DOCK11: variants seen among roughly 807,000 people sequenced by gnomAD.
DOCK11 encodes the protein dedicator of cytokinesis protein 11.
DOCK11 carries 70 observed loss-of-function variants against 169.1 expected under a neutral mutation model. The ratio of observed to expected loss-of-function variants is 0.41; its 90% CI spans 0.34 to 0.51. The LOEUF is 0.51. Among genes scored for constraint, DOCK11 ranks in the 20% least tolerant of loss-of-function variants. The probability of loss-of-function intolerance (pLI) is 0.10; values close to 1 mark genes in which losing one functional copy is unlikely to be tolerated. For synonymous variants in DOCK11, 529 were observed against 541.3 expected, an observed-to-expected ratio of 0.98 and a Z score of 0.32; for missense variants, 1,166 against 1,538.8, an observed-to-expected ratio of 0.76 and a Z score of 4.05.
chrX:118,633,724 G>A (rs1011425565), intron 35 of DOCK11: 1 of 112,249 alleles, frequency 8.9e-6, no homozygotes, highest in African/African-American at 3.2e-5. Flanking sequence ...TTTGTGACTG[G>A]CTTATCGATT....
intron 23 of DOCK11, among the ~76,000 whole-genome samples, chrX:118,604,135 T>C (rs893194031): frequency 8.9e-6 from 1 of 111,732 alleles, no homozygotes; most frequent in African/African-American, 3.3e-5. Context: ...CCACCAAAAC[T>C]GTTTCCAGAC....
chrX:118,570,679 G>A (rs1803614459), intron 10 of DOCK11, among the ~76,000 whole-genome samples: 1 of 112,048 alleles, frequency 8.9e-6, no homozygotes, highest in South Asian at 3.7e-4. Flanking sequence ...AAAAAATTTT[G>A]TGTTTCTTGT....
chrX:118,658,864 C>T (rs1295945706), intron 44 of DOCK11, among the ~76,000 whole-genome samples: 3 of 111,834 alleles, frequency 2.7e-5, no homozygotes, highest in Non-Finnish European at 5.6e-5. Flanking sequence ...AGAGTCAAGT[C>T]TCTGCATTCT....
intron 9 of DOCK11, among the ~76,000 whole-genome samples, chrX:118,567,145 T>A (rs916622252): frequency 4.9e-4 from 55 of 111,769 alleles, no homozygotes; most frequent in Non-Finnish European, 9.8e-4. Flanking sequence ...CTGTTTGAAG[T>A]TTGAAATGAA....
At position 118,685,734 on chromosome X, in the gene DOCK11, T is replaced by C; in HGVS notation, c.6149T>C (p.Leu2050Ser). Residue 2050 changes from leucine (L) to serine (S), a missense_variant, in exon 53 of 53, where the codon TTA becomes TCA. Transcript: ENST00000276202. ...TMHSPWMSNT[L>S]HVFCAISGTS... ...CATTCTCCCTGGATGAGCAACACAT[T>C]ACATGTATTTTGTGCAATTAGTGGT... 1 of 1,210,701 alleles carries C rather than the reference T, an allele frequency of 8.3e-7. No individual in the cohort carries two copies. The highest frequency in any genetic ancestry group is 1.1e-6 in the Non-Finnish European group (1 of 894,478).
At chrX:118,515,476 G>T in intron 1 of DOCK11, among the ~76,000 whole-genome samples, 1 of 111,015 alleles carries the variant, frequency 9.0e-6, no homozygotes, top group Middle Eastern at 4.7e-3. Flanking sequence ...CAGGTGATCC[G>T]CCCGCCTTGG....
chrX:118,521,718 G>T (rs1449120326), intron 1 of DOCK11, among the ~76,000 whole-genome samples: 1 of 111,514 alleles, frequency 9.0e-6, no homozygotes, highest in Non-Finnish European at 1.9e-5. Context: ...AGGTGTTTTT[G>T]GTAAATGAAA....
At chrX:118,586,273 G>C (rs149126117) in intron 16 of DOCK11, among the ~76,000 whole-genome samples, 1,970 of 111,519 alleles carry the variant, frequency 0.018, 19 homozygotes, top group Non-Finnish European at 0.028. Flanking sequence ...TACTACCCAA[G>C]ACTGGGTAAT....
chrX:118,652,130 T>G, intron 42 of DOCK11, 53 bp downstream of exon 42: 1 of 817,025 alleles, frequency 1.2e-6, no homozygotes, highest in Non-Finnish European at 1.8e-6. Context: ...ATCAGGGAAG[T>G]TTAAACTCTT....
At chrX:118,588,583 A>G (rs2013889230) in intron 18 of DOCK11, 105 bp downstream of exon 18, 5 of 602,239 alleles carry the variant, frequency 8.3e-6, no homozygotes, top group Non-Finnish European at 1.2e-5. Flanking sequence ...TCAAAAAGAA[A>G]ATGTTCTAAA....
chrX:118,648,610 T>C (rs1312910524), intron 40 of DOCK11, among the ~76,000 whole-genome samples: 5 of 100,442 alleles, frequency 5.0e-5, no homozygotes, highest in Non-Finnish European at 9.9e-5. Context: ...TATATTAATA[T>C]ATAATATATA....
rs200968541 is a variant in DOCK11 at position 118,542,954 on chromosome X, C to T, written c.248C>T (p.Thr83Met). 2.2e-5 allele frequency: 26 copies of T among 1,208,618 alleles called. No homozygotes were observed. Among genetic ancestry groups the T allele is most frequent in the African/African-American group, 7.0e-5 (4 of 56,917 alleles). The change falls in exon 3 of 53, where the codon ACG (threonine) becomes ATG (methionine). Residue 83 changes from threonine (T) to methionine (M), a missense_variant. By Grantham distance (81) the Thr-to-Met change is moderately conservative (BLOSUM62 -1). Coordinates refer to ENST00000276202, the MANE Select transcript of DOCK11 (RefSeq NM_144658.4). Reference sequence around the variant, plus strand: ...TCGGTGATAGGTCGTCAACGCAGAACGGTGCAGTCTACTGTACCAGAAGAT... The same window carrying T: ...TCGGTGATAGGTCGTCAACGCAGAATGGTGCAGTCTACTGTACCAGAAGAT... ...SISVIGRQRR[T>M]VQSTVPEDAE...
chrX:118,563,513 A>G (rs1483443337), intron 7 of DOCK11, among the ~76,000 whole-genome samples: 1 of 107,501 alleles, frequency 9.3e-6, no homozygotes, highest in African/African-American at 3.5e-5. Flanking sequence ...AAAAAGTATA[A>G]AGCTCTATGT....
At chrX:118,639,668 C>A in intron 38 of DOCK11, 91 bp downstream of exon 38, 2 of 962,880 alleles carry the variant, frequency 2.1e-6, no homozygotes, top group South Asian at 5.3e-5. Flanking sequence ...ACCATAAATA[C>A]CTTGATCATT....
chrX:118,651,572 A>G lies in DOCK11; in HGVS notation c.4582-392A>G, dbSNP rs185745946. Among the ~76,000 whole-genome samples, 245 of 112,484 alleles carry G rather than the reference A, an allele frequency of 2.2e-3. 1 individual carries two copies. The highest frequency in any genetic ancestry group is 7.5e-3 in the African/African-American group (234 of 31,011). On this transcript the variant is annotated intron_variant, in intron 41 of 52. Coordinates refer to ENST00000276202, the MANE Select transcript of DOCK11 (RefSeq NM_144658.4). ...CAGCCAACTAAAATAGACTAGTGAA[A>G]AGGAATGAGAAATCATCAAAGAAAA...
chrX:118,543,095 G>A, intron 3 of DOCK11, 80 bp downstream of exon 3: 2 of 742,378 alleles, frequency 2.7e-6, no homozygotes, highest in Non-Finnish European at 3.9e-6. Context: ...TTATGTATTT[G>A]TAACCTGTTT....
intron 46 of DOCK11, among the ~76,000 whole-genome samples, chrX:118,675,062 C>A (rs775202052): frequency 2.0e-4 from 22 of 111,926 alleles, no homozygotes; most frequent in Non-Finnish European, 3.4e-4. Context: ...CTTAAATATT[C>A]TGGGTACTAA....
intron 1 of DOCK11, among the ~76,000 whole-genome samples, chrX:118,531,854 C>T (rs1241279849): frequency 9.0e-6 from 1 of 111,220 alleles, no homozygotes; most frequent in African/African-American, 3.3e-5. Flanking sequence ...CCACCACACC[C>T]AGCTGAAGTG....
chrX:118,551,653 G>C (rs2012497737), intron 6 of DOCK11, among the ~76,000 whole-genome samples: 1 of 111,018 alleles, frequency 9.0e-6, no homozygotes, highest in Non-Finnish European at 1.9e-5. Flanking sequence ...AGCTGTGATT[G>C]CATGACTGTA....
Sources: gnomAD v4.1 joint callset for allele counts (sites outside exome capture counted in the v4.1 genomes callset) on GRCh38, gnomAD v4.1.1 for gene constraint, MANE v1.5 for transcripts, NCBI Gene and HGNC (gene_info 2026-07-23, HGNC 2026-07-21) for gene names.